GREB1: variants seen among roughly 807,000 people sequenced by gnomAD.
The protein encoded by GREB1 is protein GREB1.
Under a neutral mutation model 200.7 loss-of-function variants are expected in GREB1, and 106 were observed. The ratio of observed to expected loss-of-function variants is 0.53; its 90% CI spans 0.45 to 0.62. The LOEUF is 0.62. Among genes scored for constraint, GREB1 ranks in the 20% least tolerant of loss-of-function variants. The pLI is 0.00. For synonymous variants in GREB1, 1,132 were observed against 1,092.4 expected (o/e 1.04, Z -0.72); for missense variants, 2,243 against 2,556.8 (o/e 0.88, Z 2.65).
At chr2:11,550,544 G>A (rs984730099) in intron 1 of GREB1, among the ~76,000 whole-genome samples, 6 of 152,164 alleles carry the variant, frequency 3.9e-5, no homozygotes, top group Non-Finnish European at 8.8e-5. Flanking sequence ...AGGGCTGCTC[G>A]GGAAGGGAGA....
At chr2:11,515,874 C>A (rs1404026371) in intron 1 of GREB1, among the ~76,000 whole-genome samples, 2 of 152,194 alleles carry the variant, frequency 1.3e-5, no homozygotes, top group Non-Finnish European at 2.9e-5. Context: ...TCACCTACTC[C>A]AGGCTTTGTG....
intron 1 of GREB1, among the ~76,000 whole-genome samples, chr2:11,551,459 C>T (rs2147823555): frequency 6.6e-6 from 1 of 152,362 alleles, no homozygotes; most frequent in Non-Finnish European, 1.5e-5. Context: ...ATTATCTTTA[C>T]TATCATCGGT....
chr2:11,498,500 G>A (rs1336343818), intron 1 of GREB1, among the ~76,000 whole-genome samples: 2 of 152,178 alleles, frequency 1.3e-5, no homozygotes, highest in African/African-American at 2.4e-5. Flanking sequence ...GATATTCACC[G>A]ATGTTCACAT....
At chr2:11,485,581 A>G (rs1309550458) in intron 1 of GREB1, among the ~76,000 whole-genome samples, 1 of 152,184 alleles carries the variant, frequency 6.6e-6, no homozygotes, top group Non-Finnish European at 1.5e-5. Flanking sequence ...TCGGGAAGCT[A>G]CATTTGAAAC....
At chr2:11,631,165 G>A (rs930347657) in intron 26 of GREB1, among the ~76,000 whole-genome samples, 2 of 152,222 alleles carry the variant, frequency 1.3e-5, no homozygotes, top group Non-Finnish European at 2.9e-5. Flanking sequence ...TGCATGCACA[G>A]TGTTGTGGCA....
intron 1 of GREB1, among the ~76,000 whole-genome samples, chr2:11,544,616 C>G (rs1175737116): frequency 6.6e-6 from 1 of 152,102 alleles, no homozygotes; most frequent in Non-Finnish European, 1.5e-5. Context: ...AAGGAGAGGC[C>G]AGGGCAAGAA....
At position 11,637,844 on chromosome 2, in the gene GREB1, C is replaced by A. The variant is rs747193227; in HGVS notation, c.5475C>A (p.Phe1825Leu). ...TCCTGCAGCACCACAGCCACCTCTT[C>A]TTCCCGCTGTCCCTGAAGAACCATG... ...EKFLQHHSHL[F>L]FPLSLKNHDH... The change falls in exon 31 of 33, where the codon TTC becomes TTA. Residue 1825 changes from phenylalanine (F) to leucine (L), a missense_variant. Around this residue, in one of 3 missense-constraint regions of GREB1, gnomAD observed 478 missense variants for 616.3 expected, o/e 0.78. Coordinates refer to ENST00000381486, the MANE Select transcript of GREB1 (RefSeq NM_014668.4). 1.9e-6 allele frequency: 3 copies of A among 1,614,120 alleles called. No individual in the cohort carries two copies. In the African/African-American group the frequency reaches 4.0e-5, roughly 22 times the overall value.
chr2:11,584,093 G>A (rs2148107437), intron 7 of GREB1, among the ~76,000 whole-genome samples: 1 of 152,258 alleles, frequency 6.6e-6, no homozygotes. Flanking sequence ...TGGGATGCCT[G>A]GGTCCTGCTC....
chr2:11,601,401 A>T (rs192760625), intron 16 of GREB1, among the ~76,000 whole-genome samples: 307 of 152,318 alleles, frequency 2.0e-3, no homozygotes, highest in Admixed American at 4.1e-3. Context: ...CTATCCCTGC[A>T]TCCTTAAGTA....
At chr2:11,592,132 G>A (rs961957036) in intron 10 of GREB1, 65 of 972,112 alleles carry the variant, frequency 6.7e-5, no homozygotes, top group Non-Finnish European at 7.7e-5. Flanking sequence ...TCTGAATTCT[G>A]TTTAAAGACC....
At chr2:11,504,402 A>G (rs1458225079) in intron 1 of GREB1, among the ~76,000 whole-genome samples, 1 of 152,218 alleles carries the variant, frequency 6.6e-6, no homozygotes, top group Non-Finnish European at 1.5e-5. Context: ...TTTAATAGAG[A>G]TATAATTCAC....
intron 19 of GREB1, among the ~76,000 whole-genome samples, chr2:11,613,190 G>A (rs1467828004): frequency 6.6e-6 from 1 of 152,124 alleles, no homozygotes; most frequent in Non-Finnish European, 1.5e-5. Flanking sequence ...CTCGATGTCC[G>A]CTGGTGTGGG....
In GREB1 at chr2:11,494,374, T is replaced by C. The variant is rs555148277; in HGVS notation, c.-159+11993T>C. 2.6e-5 allele frequency among the ~76,000 whole-genome samples: 4 copies of C among 152,358 alleles called. No homozygotes were observed. In the South Asian group the frequency reaches 8.3e-4, roughly 32 times the overall value. Reference sequence around the variant, plus strand: ...TCACCTGGGAAATCAATAGAAATGTTCATTCTTGGGTCCCCAGACCCTCTG... The same window carrying C: ...TCACCTGGGAAATCAATAGAAATGTCCATTCTTGGGTCCCCAGACCCTCTG... On this transcript the variant is annotated intron_variant, in intron 1 of 2. Coordinates refer to the GREB1 transcript ENST00000628795.
At chr2:11,621,124 T>C in intron 23 of GREB1, 117 bp downstream of exon 23, 1 of 706,884 alleles carries the variant, frequency 1.4e-6, no homozygotes, top group Non-Finnish European at 2.6e-6. Context: ...ATCAGACTCA[T>C]CCCAAGGACC....
At chr2:11,611,758 G>A (rs976635690) in intron 18 of GREB1, among the ~76,000 whole-genome samples, 2 of 152,162 alleles carry the variant, frequency 1.3e-5, no homozygotes, top group Non-Finnish European at 2.9e-5. Flanking sequence ...AGCCCCCAAA[G>A]CCTAGCACAG....
chr2:11,630,267 C>T (rs2148417060), intron 26 of GREB1, among the ~76,000 whole-genome samples, 158 bp downstream of exon 26: 1 of 152,308 alleles, frequency 6.6e-6, no homozygotes, highest in South Asian at 2.1e-4. Context: ...GGAGTCACTC[C>T]AATTCAAGCC....
At chr2:11,622,001 T>C (rs193013623) in intron 23 of GREB1, among the ~76,000 whole-genome samples, 10 of 152,272 alleles carry the variant, frequency 6.6e-5, no homozygotes, top group Admixed American at 3.9e-4. Flanking sequence ...GCCCATTCTT[T>C]AAATCTTATC....
intron 4 of GREB1, among the ~76,000 whole-genome samples, chr2:11,571,695 C>T (rs1362529437): frequency 6.6e-6 from 1 of 152,116 alleles, no homozygotes; most frequent in Non-Finnish European, 1.5e-5. Flanking sequence ...AAACAATACC[C>T]AATTAATGAA....
chr2:11,498,624 C>T (rs1672950480), intron 1 of GREB1, among the ~76,000 whole-genome samples: 1 of 152,122 alleles, frequency 6.6e-6, no homozygotes, highest in Non-Finnish European at 1.5e-5. Flanking sequence ...CCAAGCTGGC[C>T]AGGTGATGGG....
Sources: gnomAD v4.1 joint callset for allele counts (sites outside exome capture counted in the v4.1 genomes callset) on GRCh38, gnomAD v4.1.1 for gene constraint, gnomAD v4.1.1 regional missense constraint, MANE v1.5 for transcripts, NCBI Gene and HGNC (gene_info 2026-07-23, HGNC 2026-07-21) for gene names.